PTPRD: variants seen among roughly 807,000 people sequenced by gnomAD.
The protein encoded by PTPRD is protein tyrosine phosphatase receptor type D.
Under a neutral mutation model 214.5 loss-of-function variants are expected in PTPRD, and 34 were observed. The ratio of observed to expected loss-of-function variants is 0.16; its 90% CI spans 0.12 to 0.21. The LOEUF (loss-of-function observed/expected upper bound fraction) is 0.21, where lower values mean the gene tolerates loss of function less well. Ranked by LOEUF, PTPRD falls within the 10% of genes least tolerant of loss-of-function variation. The pLI, the probability that PTPRD is intolerant of heterozygous loss-of-function variation, is 1.00. For missense variants in PTPRD, 2,545 were observed against 2,398.7 expected, an observed-to-expected ratio of 1.06 and a Z score of -1.27; for synonymous variants, 1,128 against 845.7, an observed-to-expected ratio of 1.33 and a Z score of -5.79.
intron 2 of PTPRD, among the ~76,000 whole-genome samples, chr9:10,506,339 T>C (rs2045952632): frequency 6.6e-6 from 1 of 152,140 alleles, no homozygotes; most frequent in African/African-American, 2.4e-5. Flanking sequence ...ATTTGTCAAA[T>C]TGAAAAGTAA....
intron 3 of PTPRD, among the ~76,000 whole-genome samples, chr9:10,107,985 A>C (rs1436779070): frequency 6.6e-6 from 1 of 152,078 alleles, no homozygotes; most frequent in Non-Finnish European, 1.5e-5. Flanking sequence ...GATTCTCTGC[A>C]CTTGGAGGCA....
chr9:10,149,645 G>C (rs1592439312), intron 3 of PTPRD, among the ~76,000 whole-genome samples: 1 of 152,038 alleles, frequency 6.6e-6, no homozygotes, highest in Admixed American at 6.6e-5. Context: ...AGAATGAATA[G>C]ATTATAATTC....
At chr9:9,798,620 T>C (rs2099019071) in intron 5 of PTPRD, among the ~76,000 whole-genome samples, 1 of 152,026 alleles carries the variant, frequency 6.6e-6, no homozygotes, top group Non-Finnish European at 1.5e-5. Context: ...TAAGATGCCA[T>C]ATTTTGGGGT....
chr9:9,517,136 C>A (rs75221869), intron 8 of PTPRD, among the ~76,000 whole-genome samples: 1,855 of 152,080 alleles, frequency 0.012, 39 homozygotes, highest in African/African-American at 0.042. Flanking sequence ...AATTATGCAA[C>A]ATTTAAACAT....
chr9:9,182,573 G>T lies in PTPRD; in HGVS notation c.-143+731C>A, dbSNP rs556396118. ...GAATATGGGAATTGTTTATTTCAAA[G>T]AATTATCTTTGTAGGATTAGAAACA... On this transcript the variant is annotated intron_variant, in intron 10 of 45. Transcript: ENST00000381196. Among the ~76,000 whole-genome samples, 5 of 152,010 alleles carry T rather than the reference G, an allele frequency of 3.3e-5. No homozygotes were observed. In the South Asian group the frequency reaches 1.0e-3, roughly 32 times the overall value.
At chr9:8,458,162 A>G (rs2096270121) in intron 33 of PTPRD, among the ~76,000 whole-genome samples, 1 of 152,148 alleles carries the variant, frequency 6.6e-6, no homozygotes, top group African/African-American at 2.4e-5. Flanking sequence ...CCACACTAAA[A>G]TGCTACTCTA....
rs528439150 is a variant in PTPRD at position 10,323,101 on chromosome 9, A to T, written c.-545+17862T>A. Among the ~76,000 whole-genome samples the T allele has an allele frequency of 2.6e-5, 4 of 152,032 alleles. No homozygotes were observed. The East Asian group carries it at 7.8e-4, about 30-fold the overall frequency. On this transcript the variant is annotated intron_variant, in intron 3 of 45. Coordinates refer to ENST00000381196, the MANE Select transcript of PTPRD (RefSeq NM_002839.4). ...AAAATACATTTAAAGAGGAAAAATG[A>T]ACATTTTAACTATTCAGTTAAAACC...
intron 10 of PTPRD, among the ~76,000 whole-genome samples, chr9:9,119,887 T>C (rs1245314273): frequency 6.6e-6 from 1 of 151,996 alleles, no homozygotes; most frequent in Non-Finnish European, 1.5e-5. Context: ...GAAAGTGTAT[T>C]GTACTTGGGA....
intron 2 of PTPRD, among the ~76,000 whole-genome samples, chr9:10,364,392 G>C (rs756273014): frequency 1.3e-5 from 2 of 151,964 alleles, no homozygotes; most frequent in Admixed American, 6.6e-5. Flanking sequence ...GGCTAATCAA[G>C]GACTCTGGCT....
intron 5 of PTPRD, among the ~76,000 whole-genome samples, chr9:9,899,439 A>G (rs1438596390): frequency 6.6e-6 from 1 of 152,150 alleles, no homozygotes; most frequent in Non-Finnish European, 1.5e-5. Flanking sequence ...ATGGCTAAGT[A>G]TATAAAAAAA....
At chr9:9,513,015 T>A (rs1200094237) in intron 8 of PTPRD, among the ~76,000 whole-genome samples, 1 of 151,952 alleles carries the variant, frequency 6.6e-6, no homozygotes, top group Non-Finnish European at 1.5e-5. Flanking sequence ...TCTTTTGGGA[T>A]CTAGATGTGT....
At chr9:9,133,654 A>C (rs1010559369) in intron 10 of PTPRD, among the ~76,000 whole-genome samples, 6 of 152,192 alleles carry the variant, frequency 3.9e-5, no homozygotes, top group African/African-American at 1.4e-4. Flanking sequence ...ATTGGATCAC[A>C]CTGGAATATG....
chr9:9,008,076 TAAAG>T (rs1486096120), intron 11 of PTPRD, among the ~76,000 whole-genome samples: 4 of 147,034 alleles, frequency 2.7e-5, no homozygotes, highest in Non-Finnish European at 6.0e-5. Context: ...CGAAAATTGA[TAAAG>T]AAAGATGACA....
At chr9:10,146,529 A>C (rs916343368) in intron 3 of PTPRD, among the ~76,000 whole-genome samples, 1 of 152,138 alleles carries the variant, frequency 6.6e-6, no homozygotes, top group Admixed American at 6.6e-5. Flanking sequence ...TTGTGCCAAG[A>C]AGCTAAAGAT....
chr9:8,669,445 T>G (rs892323871), intron 12 of PTPRD, among the ~76,000 whole-genome samples: 1 of 151,926 alleles, frequency 6.6e-6, no homozygotes, highest in African/African-American at 2.4e-5. Flanking sequence ...AGTGGTGAGG[T>G]GTACCAGGGA....
At chr9:9,263,239 C>T (rs1244164738) in intron 9 of PTPRD, among the ~76,000 whole-genome samples, 1 of 151,520 alleles carries the variant, frequency 6.6e-6, no homozygotes, top group African/African-American at 2.4e-5. Context: ...TACTTTAATT[C>T]TGTTTCACAA....
intron 4 of PTPRD, among the ~76,000 whole-genome samples, chr9:9,947,595 T>C (rs867732456): frequency 1.9e-5 from 1 of 53,782 alleles, no homozygotes; most frequent in Admixed American, 3.3e-4. Context: ...ATTATATATA[T>C]AATATATATA....
chr9:8,633,540 C>G (rs754936605), intron 13 of PTPRD, 82 bp from the exon 14 acceptor site: 2 of 1,484,464 alleles, frequency 1.3e-6, no homozygotes, highest in Non-Finnish European at 1.8e-6. Flanking sequence ...AGTGGTGGAT[C>G]CGCCATTAGG....
In PTPRD at chr9:10,569,955, G is replaced by T. The variant is rs1435210488; in HGVS notation, c.-600+42443C>A. ...GTCTTGCTCTGAATGTGTTTTTTAT[G>T]ATATATAATATGTCTATAAAATAAG... On this transcript the variant is annotated intron_variant, in intron 2 of 45. Transcript: ENST00000381196. 3.3e-5 allele frequency among the ~76,000 whole-genome samples: 5 copies of T among 152,064 alleles called. No homozygotes were observed. In the East Asian group the frequency reaches 9.7e-4, roughly 29 times the overall value.
Sources: allele counts gnomAD v4.1 joint callset (sites outside exome capture counted in the v4.1 genomes callset), GRCh38; gene constraint gnomAD v4.1.1; transcripts MANE v1.5; gene names NCBI Gene and HGNC (gene_info 2026-07-23, HGNC 2026-07-21).